MFHAS1: variants seen among roughly 807,000 people sequenced by gnomAD.
MFHAS1 encodes malignant fibrous histiocytoma-amplified sequence 1.
MFHAS1 carries 50 observed loss-of-function variants against 70.4 expected under a neutral mutation model. That is an observed-to-expected ratio of 0.71 (90% CI 0.57 to 0.90). The LOEUF is 0.90. Ranked by LOEUF, MFHAS1 falls within the 40% of genes least tolerant of loss-of-function variation. The probability of loss-of-function intolerance (pLI) is 0.00; values close to 1 mark genes in which losing one functional copy is unlikely to be tolerated. For missense variants in MFHAS1, 1,795 were observed against 1,347.6 expected, an observed-to-expected ratio of 1.33 and a Z score of -5.20; for synonymous variants, 952 against 620.0, an observed-to-expected ratio of 1.54 and a Z score of -7.96.
intron 1 of MFHAS1, among the ~76,000 whole-genome samples, chr8:8,878,288 G>A (rs1378574742): frequency 6.6e-6 from 1 of 152,046 alleles, no homozygotes; most frequent in East Asian, 1.9e-4. Context: ...AGAGGTTTGG[G>A]GCTGATATCC....
chr8:8,868,879 G>T (rs1197742323), intron 1 of MFHAS1, among the ~76,000 whole-genome samples: 1 of 151,890 alleles, frequency 6.6e-6, no homozygotes, highest in East Asian at 1.9e-4. Flanking sequence ...GAGAAAAAGG[G>T]AGAGGAAAAA....
rs1277588533 is a variant in MFHAS1, at chr8:8,890,221, A to G, written c.2838T>C (p.His946=). Reference sequence around the variant, plus strand: ...CGGTCCATATATTTGGTAATGATGCATGGCTAGCAATGGACAGGGTGTCTG... The same window carrying G: ...CGGTCCATATATTTGGTAATGATGCGTGGCTAGCAATGGACAGGGTGTCTG... The part of the protein sequence containing the change: ...LQPDTLSIAS[H]ASLPNIWTAW... The change falls in exon 1 of 3, where the codon CAT becomes CAC. Residue 946 remains histidine, a synonymous_variant. Transcript: ENST00000276282. The G allele has an allele frequency of 1.2e-6, 2 of 1,614,160 alleles. No homozygotes were observed. The highest frequency in any genetic ancestry group is 4.5e-5 in the East Asian group (2 of 44,878).
chr8:8,886,934 T>G (rs1488701383), intron 1 of MFHAS1, among the ~76,000 whole-genome samples: 2 of 152,166 alleles, frequency 1.3e-5, no homozygotes, highest in South Asian at 2.1e-4. Flanking sequence ...AAGACCAGCC[T>G]GGCCAACCTG....
At chr8:8,867,855 C>T (rs1304221820) in intron 1 of MFHAS1, among the ~76,000 whole-genome samples, 1 of 152,118 alleles carries the variant, frequency 6.6e-6, no homozygotes, top group Non-Finnish European at 1.5e-5. Context: ...CCGTGCCTGG[C>T]CATAAATTGC....
intron 1 of MFHAS1, among the ~76,000 whole-genome samples, chr8:8,853,031 T>G (rs940570887): frequency 2.0e-5 from 3 of 151,902 alleles, no homozygotes; most frequent in African/African-American, 7.3e-5. Context: ...AAGCAGGAGG[T>G]CCTGATTCTG....
rs796612525 is a variant in MFHAS1, at chr8:8,834,122, TCAAAAAAAA to T, written c.2999-36640_2999-36632del. 3.9e-3 allele frequency among the ~76,000 whole-genome samples: 228 copies of T among 58,612 alleles called. 2 individuals carry two copies. The highest frequency in any genetic ancestry group is 7.7e-3 in the African/African-American group (197 of 25,720). 38.5% of individuals were successfully genotyped at this position (58,612 alleles called of 152,430 possible). On this transcript the variant is annotated intron_variant, in intron 1 of 2. Transcript: ENST00000276282. ...GCCTGGGCAACCGAGTGAGACTCTG[TCAAAAAAAA>T]CAAAAAAAACAAAACAAACAAACAA...
intron 1 of MFHAS1, among the ~76,000 whole-genome samples, chr8:8,807,969 G>A (rs980189780): frequency 1.3e-5 from 2 of 152,160 alleles, no homozygotes; most frequent in Non-Finnish European, 2.9e-5. Flanking sequence ...CATCAATCTG[G>A]GTCTGAAAAT....
intron 1 of MFHAS1, among the ~76,000 whole-genome samples, chr8:8,870,457 C>G (rs767616652): frequency 6.6e-5 from 10 of 152,114 alleles, no homozygotes; most frequent in Non-Finnish European, 1.5e-4. Flanking sequence ...CAGAGCAAGA[C>G]TCTGTCTCCC....
At chr8:8,787,931 T>TA (rs1805608220) in intron 2 of MFHAS1, among the ~76,000 whole-genome samples, 1 of 152,240 alleles carries the variant, frequency 6.6e-6, no homozygotes, top group African/African-American at 2.4e-5. Context: ...TTTGGGATCT[T>TA]AGAGAAAACA....
At chr8:8,855,257 T>C (rs921052235) in intron 1 of MFHAS1, among the ~76,000 whole-genome samples, 1 of 152,172 alleles carries the variant, frequency 6.6e-6, no homozygotes, top group African/African-American at 2.4e-5. Context: ...TCAGCCGACA[T>C]CCTGTATTTT....
chr8:8,892,357 C>G lies in MFHAS1; in HGVS notation c.702G>C (p.Leu234=), dbSNP rs1810095946. Residue 234 remains leucine, a synonymous_variant, in exon 1 of 3, where the codon CTG becomes CTC. Transcript: ENST00000276282. The surrounding 1 kb of genome is among the most constrained non-coding windows in gnomAD (Gnocchi z 4.7). ...GCAGCGTGCCAAGCTCGGCCCCACT[C>G]AGCCAGAGGATCTTGAGGGCACGCA... ...SALRALKILW[L]SGAELGTLPA... The G allele has an allele frequency of 1.2e-6, 2 of 1,612,416 alleles. No individual in the cohort carries two copies. Among genetic ancestry groups the G allele is most frequent in the East Asian group, 4.5e-5 (2 of 44,870 alleles).
chr8:8,825,899 C>T (rs1424032075), intron 1 of MFHAS1, among the ~76,000 whole-genome samples: 1 of 152,130 alleles, frequency 6.6e-6, no homozygotes, highest in East Asian at 1.9e-4. Flanking sequence ...GTGTAATTAA[C>T]TGGAGGAGGC....
chr8:8,821,745 T>C (rs770203544), intron 1 of MFHAS1: 2 of 152,246 alleles, frequency 1.3e-5, no homozygotes, highest in Non-Finnish European at 2.9e-5. Flanking sequence ...TAAAATCCTA[T>C]TGCTATCAAA....
At chr8:8,860,489 G>C (rs995459884) in intron 1 of MFHAS1, among the ~76,000 whole-genome samples, 14 of 152,326 alleles carry the variant, frequency 9.2e-5, no homozygotes, top group African/African-American at 3.4e-4. Flanking sequence ...GAGAAAATAA[G>C]GCATCAAGGT....
chr8:8,845,866 G>T (rs950935396), intron 1 of MFHAS1, among the ~76,000 whole-genome samples: 5 of 152,022 alleles, frequency 3.3e-5, no homozygotes, highest in African/African-American at 1.2e-4. Context: ...CCATCTTTCT[G>T]GTTGTCAGGC....
chr8:8,858,433 C>G (rs933232449), intron 1 of MFHAS1, among the ~76,000 whole-genome samples: 5 of 151,926 alleles, frequency 3.3e-5, no homozygotes, highest in African/African-American at 4.8e-5. Context: ...TTAAATGGCC[C>G]ATCCAGTTTT....
At chr8:8,868,680 T>C (rs1272705933) in intron 1 of MFHAS1, among the ~76,000 whole-genome samples, 1 of 152,164 alleles carries the variant, frequency 6.6e-6, no homozygotes, top group Non-Finnish European at 1.5e-5. Flanking sequence ...GAATTACTCA[T>C]GAGTCAGGCA....
intron 1 of MFHAS1, among the ~76,000 whole-genome samples, chr8:8,800,373 A>T (rs73517989): frequency 0.022 from 3,417 of 152,336 alleles, 141 homozygotes; most frequent in African/African-American, 0.077. Context: ...TAAAAATGTA[A>T]ATGTTAAATG....
chr8:8,841,038 C>T (rs1382548800), intron 1 of MFHAS1, among the ~76,000 whole-genome samples: 1 of 152,084 alleles, frequency 6.6e-6, no homozygotes, highest in Admixed American at 6.5e-5. Context: ...TTCATTTAAC[C>T]TTAAATAAGT....
Sources: gnomAD v4.1 joint callset for allele counts (sites outside exome capture counted in the v4.1 genomes callset) on GRCh38, gnomAD v4.1.1 for gene constraint, Gnocchi (gnomAD v3.1) non-coding constraint, MANE v1.5 for transcripts, NCBI Gene and HGNC (gene_info 2026-07-23, HGNC 2026-07-21) for gene names.